The following ADAM22 variants were observed in gnomAD, a reference collection of about 807,000 sequenced individuals.
ADAM22 encodes disintegrin and metalloproteinase domain-containing protein 22.
ADAM22 carries 65 observed loss-of-function variants against 144.6 expected under a neutral mutation model. The observed-to-expected ratio is 0.45, with a 90% CI of 0.37 to 0.55. ADAM22 has a LOEUF of 0.55. Ranked by LOEUF, ADAM22 falls within the 20% of genes least tolerant of loss-of-function variation. ADAM22 has a pLI of 0.00. For missense variants in ADAM22, 974 were observed against 1,184.9 expected, an observed-to-expected ratio of 0.82 and a Z score of 2.61; for synonymous variants, 391 against 412.6, an observed-to-expected ratio of 0.95 and a Z score of 0.63.
At chr7:87,954,356 A>G (rs913306943) in intron 2 of ADAM22, among the ~76,000 whole-genome samples, 1 of 152,014 alleles carries the variant, frequency 6.6e-6, no homozygotes, top group Non-Finnish European at 1.5e-5. Flanking sequence ...AAAATCTCTC[A>G]GCATTTGCTT....
At chr7:88,184,361 AG>A in intron 29 of ADAM22, 2 of 440,698 alleles carry the variant, frequency 4.5e-6, no homozygotes, top group Admixed American at 2.5e-5. Context: ...GCATAAGCCC[AG>A]GGGGCTCTGA....
At chr7:87,938,781 C>G (rs1841886196) in intron 2 of ADAM22, among the ~76,000 whole-genome samples, 1 of 152,068 alleles carries the variant, frequency 6.6e-6, no homozygotes, top group Non-Finnish European at 1.5e-5. Context: ...TCCCAAGTAG[C>G]TGGGACTACA....
intron 3 of ADAM22, among the ~76,000 whole-genome samples, chr7:88,028,224 C>T (rs1032719979): frequency 2.0e-5 from 3 of 152,142 alleles, no homozygotes; most frequent in South Asian, 2.1e-4. Context: ...TCCTTCTTTA[C>T]GTCTTCATTG....
At chr7:88,136,513 A>C (rs895839767) in intron 14 of ADAM22, among the ~76,000 whole-genome samples, 2 of 152,074 alleles carry the variant, frequency 1.3e-5, no homozygotes, top group African/African-American at 4.8e-5. Context: ...AGAAATGTAC[A>C]ATCTGCTCTC....
At chr7:87,957,472 G>A (rs536943684) in intron 2 of ADAM22, among the ~76,000 whole-genome samples, 316 of 152,238 alleles carry the variant, frequency 2.1e-3, no homozygotes, top group Non-Finnish European at 3.7e-3. Context: ...AGAAACTAAC[G>A]TTATAGATTC....
chr7:88,019,063 A>G (rs2129464166), intron 3 of ADAM22, among the ~76,000 whole-genome samples: 1 of 151,056 alleles, frequency 6.6e-6, no homozygotes, highest in Admixed American at 6.6e-5. Context: ...TGTGTGAACT[A>G]CTAAACCAAA....
At chr7:88,085,972 C>G (rs958942308) in intron 4 of ADAM22, among the ~76,000 whole-genome samples, 1 of 152,050 alleles carries the variant, frequency 6.6e-6, no homozygotes, top group Non-Finnish European at 1.5e-5. Flanking sequence ...GTCAGGAGAT[C>G]GAGACCATCA....
At chr7:88,170,199 C>CACAACT (rs1410070333) in intron 25 of ADAM22, among the ~76,000 whole-genome samples, 1 of 151,968 alleles carries the variant, frequency 6.6e-6, no homozygotes, top group Admixed American at 6.6e-5. Context: ...GTGCATACTA[C>CACAACT]AGTATCTTCT....
intron 3 of ADAM22, among the ~76,000 whole-genome samples, chr7:88,028,231 A>G (rs956794851): frequency 1.3e-5 from 2 of 152,268 alleles, no homozygotes; most frequent in East Asian, 3.9e-4. Context: ...TTACGTCTTC[A>G]TTGACCTACT....
At chr7:88,005,019 T>A (rs770165525) in intron 3 of ADAM22, among the ~76,000 whole-genome samples, 2 of 152,134 alleles carry the variant, frequency 1.3e-5, no homozygotes, top group Non-Finnish European at 2.9e-5. Context: ...GTGCTGGGCA[T>A]AGAGGTGCAT....
At chr7:88,029,918 G>T (rs190343890) in intron 3 of ADAM22, among the ~76,000 whole-genome samples, 69 of 151,752 alleles carry the variant, frequency 4.5e-4, no homozygotes, top group Non-Finnish European at 8.7e-4. Context: ...TGACCTTTGG[G>T]AGTCTGATTA....
intron 3 of ADAM22, among the ~76,000 whole-genome samples, chr7:88,010,341 C>G (rs993002949): frequency 2.0e-5 from 3 of 152,126 alleles, no homozygotes; most frequent in African/African-American, 7.2e-5. Context: ...CCGCTTTTAA[C>G]TAGTTATGGC....
chr7:88,117,850 C>T (rs766554036), intron 7 of ADAM22, among the ~76,000 whole-genome samples: 101 of 152,092 alleles, frequency 6.6e-4, no homozygotes, highest in Non-Finnish European at 1.1e-3. Context: ...CACACCATTA[C>T]GCCTGGCTAA....
chr7:87,983,404 G>T (rs183715299), intron 3 of ADAM22, among the ~76,000 whole-genome samples: 1 of 152,066 alleles, frequency 6.6e-6, no homozygotes, highest in Non-Finnish European at 1.5e-5. Flanking sequence ...ATTTTCCTAG[G>T]AATTGTATTT....
At chr7:88,145,885 A>T (rs555387283) in intron 17 of ADAM22, among the ~76,000 whole-genome samples, 1 of 152,188 alleles carries the variant, frequency 6.6e-6, no homozygotes, top group African/African-American at 2.4e-5. Context: ...TTTCTTGGTA[A>T]AGCCAAGGAG....
intron 4 of ADAM22, among the ~76,000 whole-genome samples, chr7:88,081,456 C>T (rs959117753): frequency 4.6e-5 from 7 of 152,302 alleles, no homozygotes; most frequent in Non-Finnish European, 8.8e-5. Flanking sequence ...TCTCTCACCA[C>T]TCCTATTCAA....
intron 2 of ADAM22, among the ~76,000 whole-genome samples, chr7:87,936,453 AT>A (rs1841273970): frequency 6.6e-6 from 1 of 152,142 alleles, no homozygotes; most frequent in African/African-American, 2.4e-5. Flanking sequence ...AATTAAGATT[AT>A]TTCTGTGGAA....
At chr7:87,980,665 A>T (rs1275932296) in intron 3 of ADAM22, among the ~76,000 whole-genome samples, 2 of 152,178 alleles carry the variant, frequency 1.3e-5, no homozygotes, top group Non-Finnish European at 1.5e-5. Flanking sequence ...CTTAATGTTC[A>T]GTAAATAAAA....
chr7:87,938,753 G>A (rs1055526539), intron 2 of ADAM22, among the ~76,000 whole-genome samples: 3 of 151,948 alleles, frequency 2.0e-5, no homozygotes, highest in African/African-American at 7.3e-5. Context: ...TGGTTCAAGC[G>A]ATTCTCCTGC....
Sources: allele counts gnomAD v4.1 joint callset (sites outside exome capture counted in the v4.1 genomes callset), GRCh38; gene constraint gnomAD v4.1.1; transcripts MANE v1.5; gene names NCBI Gene and HGNC (gene_info 2026-07-23, HGNC 2026-07-21).